Variants in CDH13 observed in about 807,000 individuals in gnomAD.
The protein encoded by CDH13 is cadherin 13, also known as cadherin-13.
CDH13 carries 24 observed loss-of-function variants against 63.8 expected under a neutral mutation model. That is an observed-to-expected ratio of 0.38 (90% CI 0.27 to 0.53). The LOEUF (loss-of-function observed/expected upper bound fraction) is 0.53. CDH13 is among the 20% of genes least tolerant of loss of function. CDH13 has a pLI of 0.85. For missense variants in CDH13, 1,049 were observed against 903.1 expected (o/e 1.16, Z -2.07); for synonymous variants, 503 against 355.3 (o/e 1.42, Z -4.67).
At chr16:83,758,862 C>G (rs1913725580) in intron 11 of CDH13, among the ~76,000 whole-genome samples, 1 of 152,142 alleles carries the variant, frequency 6.6e-6, no homozygotes, top group Non-Finnish European at 1.5e-5. Flanking sequence ...AAATGACTGC[C>G]TAAGATAATT....
intron 7 of CDH13, among the ~76,000 whole-genome samples, chr16:83,518,507 C>A (rs1342716366): frequency 6.8e-6 from 1 of 146,770 alleles, no homozygotes; most frequent in African/African-American, 2.5e-5. Context: ...GAGTCTGGCT[C>A]TGTCTCCCAG....
intron 4 of CDH13, among the ~76,000 whole-genome samples, chr16:83,197,287 A>G (rs1393908809): frequency 6.6e-6 from 1 of 152,068 alleles, no homozygotes; most frequent in East Asian, 1.9e-4. Context: ...ATATATATAT[A>G]TATGCATGGG....
intron 1 of CDH13, among the ~76,000 whole-genome samples, chr16:82,668,319 G>C (rs946734553): frequency 6.6e-6 from 1 of 152,156 alleles, no homozygotes; most frequent in African/African-American, 2.4e-5. Context: ...CCCAGGGATG[G>C]CATCAGGCCC....
intron 8 of CDH13, among the ~76,000 whole-genome samples, chr16:83,617,188 C>T (rs545375055): frequency 6.6e-6 from 1 of 152,286 alleles, no homozygotes; most frequent in East Asian, 1.9e-4. Context: ...GGGCCAAGCA[C>T]AGGGGCAACA....
At chr16:83,008,610 A>G (rs959536853) in intron 2 of CDH13, among the ~76,000 whole-genome samples, 11 of 152,178 alleles carry the variant, frequency 7.2e-5, no homozygotes, top group African/African-American at 2.4e-4. Context: ...ATAATGTTAT[A>G]CTTGGACCTT....
chr16:83,295,828 A>G (rs532169078), intron 5 of CDH13, among the ~76,000 whole-genome samples: 1 of 152,328 alleles, frequency 6.6e-6, no homozygotes, highest in Non-Finnish European at 1.5e-5. Context: ...TATATATCCA[A>G]AGAAAATAAC....
chr16:83,094,900 A>T (rs1183353887), intron 3 of CDH13, among the ~76,000 whole-genome samples: 1 of 152,036 alleles, frequency 6.6e-6, no homozygotes, highest in Non-Finnish European at 1.5e-5. Flanking sequence ...ATCACAATTA[A>T]CTCTGTAAGT....
chr16:83,783,288 G>A lies in CDH13; in HGVS notation c.1950G>A (p.Leu650=), dbSNP rs1915656665. 1 of 1,613,854 alleles carries A rather than the reference G, an allele frequency of 6.2e-7. No homozygotes were observed. The highest frequency in any genetic ancestry group is 8.5e-7 in the Non-Finnish European group (1 of 1,179,844). The part of the protein sequence containing the change: ...THALVSLLQN[L]NKANYNLPIM... ...CCCTGGTAAGCCTTCTTCAAAATCT[G>A]AACAAAGCAAACTACAACCTGCCCA... is the stretch of plus-strand genomic sequence containing the variant. The change falls in exon 13 of 14, where the codon CTG becomes CTA. Residue 650 remains leucine, a synonymous_variant. Coordinates refer to ENST00000567109, the MANE Select transcript of CDH13 (RefSeq NM_001257.5).
chr16:82,907,874 T>A (rs2041701153), intron 2 of CDH13, among the ~76,000 whole-genome samples: 1 of 152,200 alleles, frequency 6.6e-6, no homozygotes, highest in South Asian at 2.1e-4. Context: ...ATAGTATGTC[T>A]TTGAATGCAA....
chr16:83,338,268 C>G (rs1477589155), intron 5 of CDH13, among the ~76,000 whole-genome samples: 2 of 151,412 alleles, frequency 1.3e-5, no homozygotes, highest in Non-Finnish European at 2.9e-5. Context: ...TCATTTAAGG[C>G]TACAGAGTCC....
chr16:83,540,065 ATTTT>A (rs34129168), intron 7 of CDH13, among the ~76,000 whole-genome samples: 1 of 137,202 alleles, frequency 7.3e-6, no homozygotes. Context: ...TTGTCAATAA[ATTTT>A]TTTTTTTTTT....
intron 2 of CDH13, among the ~76,000 whole-genome samples, chr16:82,995,593 G>GA (rs537324841): frequency 7.4e-4 from 113 of 152,092 alleles, no homozygotes; most frequent in Admixed American, 1.7e-3. Flanking sequence ...AAATAAGGGA[G>GA]AAAAAAAGTC....
chr16:83,694,642 A>G (rs1318990011), intron 10 of CDH13, among the ~76,000 whole-genome samples: 2 of 152,164 alleles, frequency 1.3e-5, no homozygotes, highest in Non-Finnish European at 2.9e-5. Flanking sequence ...CAAAGCAGGA[A>G]CAGGTGACAT....
At chr16:83,087,356 A>T (rs1049681199) in intron 3 of CDH13, among the ~76,000 whole-genome samples, 8 of 152,158 alleles carry the variant, frequency 5.3e-5, no homozygotes, top group Non-Finnish European at 1.0e-4. Flanking sequence ...AAAATATCCT[A>T]TACTCATTTT....
Position 83,454,214 on chromosome 16 carries a change from G to A in CDH13, c.782-32263G>A, listed in dbSNP as rs58760636. On this transcript the variant is annotated intron_variant, in intron 6 of 13. Coordinates refer to ENST00000567109, the MANE Select transcript of CDH13 (RefSeq NM_001257.5). ...AAAAGGAACCTCTGTTTATAGAAAA[G>A]ATTAACCAGAAGACGTCTTTAAATT... Among the ~76,000 whole-genome samples the A allele has an allele frequency of 9.2e-3, 1,404 of 152,296 alleles. 11 individuals are homozygous for A. The highest frequency in any genetic ancestry group is 0.031 in the African/African-American group (1,299 of 41,558).
chr16:82,954,139 G>C (rs1160163175), intron 2 of CDH13: 1 of 152,198 alleles, frequency 6.6e-6, no homozygotes, highest in Non-Finnish European at 1.5e-5. Flanking sequence ...GTCTCTGTGG[G>C]CACCTGGGAT....
chr16:82,692,900 C>G (rs575096411), intron 1 of CDH13, among the ~76,000 whole-genome samples: 1 of 152,276 alleles, frequency 6.6e-6, no homozygotes, highest in South Asian at 2.1e-4. Flanking sequence ...ATCCTCTTCC[C>G]TTGAGGAACT....
intron 6 of CDH13, among the ~76,000 whole-genome samples, chr16:83,416,478 C>G (rs1249972374): frequency 6.6e-6 from 1 of 152,186 alleles, no homozygotes; most frequent in Admixed American, 6.5e-5. Context: ...GGTCTTATCT[C>G]TTCTTGTGCC....
At chr16:83,704,542 T>C (rs968561484) in intron 10 of CDH13, among the ~76,000 whole-genome samples, 4 of 152,160 alleles carry the variant, frequency 2.6e-5, no homozygotes, top group Admixed American at 2.6e-4. Flanking sequence ...CAGGAAGCCA[T>C]TGTGAGATAT....
Sources: gnomAD v4.1 joint callset for allele counts (sites outside exome capture counted in the v4.1 genomes callset) on GRCh38, gnomAD v4.1.1 for gene constraint, MANE v1.5 for transcripts, NCBI Gene and HGNC (gene_info 2026-07-23, HGNC 2026-07-21) for gene names.